Variants in EIF2AK1 observed in about 807,000 individuals in gnomAD.
EIF2AK1 encodes the protein eukaryotic translation initiation factor 2-alpha kinase 1.
A neutral mutation model predicts 77.9 loss-of-function variants in EIF2AK1; 54 were observed. The ratio of observed to expected loss-of-function variants is 0.69; its 90% CI spans 0.56 to 0.87. The LOEUF is 0.87. Among genes scored for constraint, EIF2AK1 ranks in the 40% least tolerant of loss-of-function variants. The pLI is 0.00. For synonymous variants in EIF2AK1, 314 were observed against 290.5 expected (o/e 1.08, Z -0.82); for missense variants, 810 against 768.6 (o/e 1.05, Z -0.64).
Position 6,035,901 on chromosome 7 carries a change from G to T in EIF2AK1, c.1332+1523C>A. ...AGCAGGCCGACTCCTCGGGGCGGGGGTCAGCTGCATCCGTCTGCTACTCAC... is the reference window on the plus strand; with the variant it reads ...AGCAGGCCGACTCCTCGGGGCGGGGTTCAGCTGCATCCGTCTGCTACTCAC... On this transcript the variant is annotated intron_variant, in intron 11 of 14. Coordinates refer to ENST00000199389, the MANE Select transcript of EIF2AK1 (RefSeq NM_014413.4). This position sits in a 1 kb window ranked among gnomAD's most constrained non-coding sequence, Gnocchi z 5.5. 6.5e-7 allele frequency: 1 copy of T among 1,546,870 alleles called. No homozygotes were observed. Among genetic ancestry groups the T allele is most frequent in the Non-Finnish European group, 8.7e-7 (1 of 1,144,632 alleles).
intron 1 of EIF2AK1, among the ~76,000 whole-genome samples, chr7:6,056,613 A>AATATAT (rs71008353): frequency 3.0e-4 from 13 of 43,736 alleles, no homozygotes; most frequent in South Asian, 2.4e-3. Flanking sequence ...AAAAAAAAAA[A>AATATAT]ATATATATAT....
chr7:6,034,028 G>A (rs1410761875), intron 11 of EIF2AK1, among the ~76,000 whole-genome samples: 1 of 151,422 alleles, frequency 6.6e-6, no homozygotes, highest in Non-Finnish European at 1.5e-5. Context: ...AAAGAATTAA[G>A]TAGTATAGGC....
intron 9 of EIF2AK1, among the ~76,000 whole-genome samples, chr7:6,040,595 T>C (rs1245981347): frequency 2.0e-5 from 3 of 152,198 alleles, no homozygotes; most frequent in Non-Finnish European, 4.4e-5. Flanking sequence ...TATAGCATGA[T>C]GCTAACATAC....
At chr7:6,041,248 A>C in intron 8 of EIF2AK1, 29 bp from the exon 9 acceptor site, 1 of 1,574,590 alleles carries the variant, frequency 6.4e-7, no homozygotes, top group Middle Eastern at 1.7e-4. Context: ...GTAAACATAA[A>C]AGTCAATGGG....
intron 6 of EIF2AK1, among the ~76,000 whole-genome samples, chr7:6,045,817 G>T (rs998386481): frequency 6.7e-6 from 1 of 150,226 alleles, no homozygotes; most frequent in Non-Finnish European, 1.5e-5. Context: ...GAGAATCCTT[G>T]AACCCTGCGG....
At chr7:6,042,354 G>A (rs944726463) in intron 8 of EIF2AK1, among the ~76,000 whole-genome samples, 1 of 151,650 alleles carries the variant, frequency 6.6e-6, no homozygotes, top group Non-Finnish European at 1.5e-5. Flanking sequence ...GGGAGGCTAA[G>A]TCAGGAGGAT....
At position 6,058,237 on chromosome 7, in the gene EIF2AK1, A is replaced by T. The variant is rs559842; in HGVS notation, c.118+729T>A. The T allele has an allele frequency of 2.6e-3, 1,117 of 437,526 alleles. 17 individuals are homozygous for T. The highest frequency in any genetic ancestry group is 0.022 in the African/African-American group (1,052 of 48,158). The allele number at this position is 437,526 out of a possible 1,614,324, so 27.1% of individuals were successfully genotyped here. A position where few individuals can be genotyped will look rare whatever the true frequency, so the allele number is the denominator to read the frequency against. On this transcript the variant is annotated intron_variant, in intron 1 of 14. Transcript: ENST00000199389. ...CCAGCCTGGGAAACACAGCAAGACC[A>T]CATCTCTGCAAAAAAAAAAAAATTA...
At position 6,048,801 on chromosome 7, in the gene EIF2AK1, A is replaced by T. The variant is rs759738156; in HGVS notation, c.449+6T>A. Reference sequence around the variant, plus strand: ...CTGCATAATCAAGAAAGTTTTTCACACATACCTGATTTTCTGGATACGAGA... The same window carrying T: ...CTGCATAATCAAGAAAGTTTTTCACTCATACCTGATTTTCTGGATACGAGA... On this transcript the variant is annotated splice_donor_region_variant and intron_variant, in intron 4 of 14. Transcript: ENST00000199389. 15 of 1,585,610 alleles carry T rather than the reference A, an allele frequency of 9.5e-6. No homozygotes were observed. Among genetic ancestry groups the T allele is most frequent in the Admixed American group, 3.8e-5 (2 of 52,212 alleles).
chr7:6,040,091 A>AT (rs1050532807), intron 9 of EIF2AK1, among the ~76,000 whole-genome samples: 2 of 151,536 alleles, frequency 1.3e-5, no homozygotes, highest in African/African-American at 2.4e-5. Flanking sequence ...TTATTTTTTT[A>AT]TTTTTTTTGA....
At chr7:6,056,654 C>G (rs1403110395) in intron 1 of EIF2AK1, among the ~76,000 whole-genome samples, 1 of 105,046 alleles carries the variant, frequency 9.5e-6, no homozygotes, top group African/African-American at 3.8e-5. Context: ...TCTGGACATT[C>G]TGGGCCTCTT....
In EIF2AK1 at chr7:6,036,658, T is replaced by A. The variant is rs777426269; in HGVS notation, c.1332+766A>T. 1.1e-3 allele frequency among the ~76,000 whole-genome samples: 164 copies of A among 151,724 alleles called. 7 individuals are homozygous for A. The highest frequency in any genetic ancestry group is 3.7e-4 in the Non-Finnish European group (25 of 67,968). Reference sequence around the variant, plus strand: ...AAATCTCTTCAGCCAAAGACACAAATATATTTTCTCTCTTTCTTGATAGCC... The same window carrying A: ...AAATCTCTTCAGCCAAAGACACAAAAATATTTTCTCTCTTTCTTGATAGCC... On this transcript the variant is annotated intron_variant, in intron 11 of 14. Transcript: ENST00000199389. The surrounding 1 kb of genome is among the most constrained non-coding windows in gnomAD (Gnocchi z 4.6).
In EIF2AK1 at chr7:6,054,632, G is replaced by A. The variant is rs1368227727; in HGVS notation, c.191C>T (p.Ala64Val). The A allele has an allele frequency of 1.9e-6, 3 of 1,614,048 alleles. No individual in the cohort carries two copies. The highest frequency in any genetic ancestry group is 1.3e-5 in the African/African-American group (1 of 74,936). ...CAAAGAAACCAGCAAGAGTTGGTTT[G>A]CAACTGCAAAAGGGAAGGTTGGCTG... is the stretch of plus-strand genomic sequence containing the variant. ...LQQPTFPFAVANQLLLVSLLE... is the reference protein window; with the variant it reads ...LQQPTFPFAVVNQLLLVSLLE... Residue 64 changes from alanine (A) to valine (V), a missense_variant, in exon 2 of 15, where the codon GCA becomes GTA. Physicochemically the swap from Ala to Val is moderately conservative, Grantham distance 64. Transcript: ENST00000199389.
chr7:6,058,105 C>T (rs1454689410), intron 1 of EIF2AK1: 1 of 455,492 alleles, frequency 2.2e-6, no homozygotes, highest in Non-Finnish European at 4.4e-6. Context: ...TCCTAGTAAA[C>T]AAAAGCCTCA....
chr7:6,046,809 G>C, intron 5 of EIF2AK1, 183 bp downstream of exon 5: 4 of 501,696 alleles, frequency 8.0e-6, no homozygotes, highest in Non-Finnish European at 1.4e-5. Flanking sequence ...GGCTGAGGCA[G>C]AAGAATCGCT....
Position 6,059,015 on chromosome 7 carries a change from C to T in EIF2AK1, c.69G>A (p.Ala23=). ...CGGCGGGAAAGTCGATGGCCGGCGGCGCAGCCACAGCCCCAGCCCCGTCGC... is the reference window on the plus strand; with the variant it reads ...CGGCGGGAAAGTCGATGGCCGGCGGTGCAGCCACAGCCCCAGCCCCGTCGC... ...EEGDGAGAVA[A]PPAIDFPAEG... is the part of the protein sequence containing the mutation. The change falls in exon 1 of 15, where the codon GCG becomes GCA. Residue 23 remains alanine, a synonymous_variant. Coordinates refer to ENST00000199389, the MANE Select transcript of EIF2AK1 (RefSeq NM_014413.4). The T allele has an allele frequency of 1.3e-6, 2 of 1,540,480 alleles. No individual in the cohort carries two copies. The highest frequency in any genetic ancestry group is 1.7e-6 in the Non-Finnish European group (2 of 1,148,030).
rs1366353234 is a variant in EIF2AK1 at position 6,059,009 on chromosome 7, C to T, written c.75G>A (p.Pro25=). The change falls in exon 1 of 15, where the codon CCG becomes CCA. Residue 25 remains proline, a synonymous_variant. Transcript: ENST00000199389. The part of the protein sequence containing the change: ...GDGAGAVAAP[P]AIDFPAEGPD... ...GGCCCTCGGCGGGAAAGTCGATGGCCGGCGGCGCAGCCACAGCCCCAGCCC... is the reference window on the plus strand; with the variant it reads ...GGCCCTCGGCGGGAAAGTCGATGGCTGGCGGCGCAGCCACAGCCCCAGCCC... The T allele has an allele frequency of 6.5e-7, 1 of 1,540,108 alleles. No homozygotes were observed. Among genetic ancestry groups the T allele is most frequent in the Admixed American group, 2.0e-5 (1 of 50,434 alleles).
rs566553389 is a variant in EIF2AK1 at position 6,023,792 on chromosome 7, T to A, written c.*881A>T. On this transcript the variant is annotated 3_prime_UTR_variant, in exon 15 of 15. Transcript: ENST00000199389. ...TGTATTAGAGTCAGAGTCTTTTTAT[T>A]TAGGCCAGTTGTCAAGTGTCAATAA... The A allele has an allele frequency of 4.4e-6, 7 of 1,592,916 alleles. No individual in the cohort carries two copies. In the South Asian group the frequency reaches 4.5e-5, roughly 10 times the overall value.
chr7:6,055,310 C>T lies in EIF2AK1; in HGVS notation c.119-606G>A, dbSNP rs1788717787. Among the ~76,000 whole-genome samples the T allele has an allele frequency of 6.8e-5, 9 of 132,900 alleles. 1 individual carries two copies. The South Asian group carries it at 2.1e-3, about 31-fold the overall frequency. The allele number at this position is 132,900 out of a possible 152,430, so 87.2% of individuals were successfully genotyped here. On this transcript the variant is annotated intron_variant, in intron 1 of 14. Coordinates refer to ENST00000199389, the MANE Select transcript of EIF2AK1 (RefSeq NM_014413.4). ...GTGAGCCGAGATCAACCATTGCATT[C>T]CAGCCTTGGCAACAAGAGCGAAACT... is the stretch of plus-strand genomic sequence containing the variant.
rs909654565 is a variant in EIF2AK1 at position 6,028,960 on chromosome 7, T to C, written c.1405A>G (p.Ile469Val). The C allele has an allele frequency of 8.7e-6, 14 of 1,611,098 alleles. No individual in the cohort carries two copies. Among genetic ancestry groups the C allele is most frequent in the East Asian group, 2.2e-5 (1 of 44,898 alleles). Reference sequence around the variant, plus strand: ...GTCCAGTCTGTGTTCTTCTGTAGGATGTCTGTGCAGGCCAGACCAAAGTCT... The same window carrying C: ...GTCCAGTCTGTGTTCTTCTGTAGGACGTCTGTGCAGGCCAGACCAAAGTCT... ...IGDFGLACTD[I>V]LQKNTDWTNR... The change falls in exon 12 of 15, where the codon ATC (isoleucine) becomes GTC (valine). Residue 469 changes from isoleucine (I) to valine (V), a missense_variant. Physicochemically the swap from Ile to Val is conservative, Grantham distance 29 (BLOSUM62 3). Around this residue, in one of 3 missense-constraint regions of EIF2AK1, gnomAD observed 549 missense variants for 533.7 expected, o/e 1.03. Coordinates refer to ENST00000199389, the MANE Select transcript of EIF2AK1 (RefSeq NM_014413.4).
Sources: allele counts gnomAD v4.1 joint callset (sites outside exome capture counted in the v4.1 genomes callset), GRCh38; gene constraint gnomAD v4.1.1; regional missense constraint gnomAD v4.1.1; non-coding constraint Gnocchi (gnomAD v3.1); transcripts MANE v1.5; gene names NCBI Gene and HGNC (gene_info 2026-07-23, HGNC 2026-07-21).